Variants in VPS26A observed in about 807,000 individuals in gnomAD.
VPS26A encodes vacuolar protein sorting-associated protein 26A.
In VPS26A, 22 loss-of-function variants were observed where a neutral mutation model predicts 42.4. That is an observed-to-expected ratio of 0.52 (90% CI 0.37 to 0.74). The LOEUF (loss-of-function observed/expected upper bound fraction) is 0.74. Ranked by LOEUF, VPS26A falls within the 30% of genes least tolerant of loss-of-function variation. The pLI is 0.00. For missense variants in VPS26A, 276 were observed against 379.2 expected (o/e 0.73, Z 2.26); for synonymous variants, 110 against 123.5 (o/e 0.89, Z 0.73).
intron 2 of VPS26A, among the ~76,000 whole-genome samples, chr10:69,148,585 A>C (rs963044802): frequency 9.2e-5 from 14 of 152,172 alleles, no homozygotes; most frequent in African/African-American, 3.1e-4. Context: ...CTGATTTTAA[A>C]ATGAGTGTAT....
In VPS26A at chr10:69,171,358, G is replaced by A; in HGVS notation, c.*89G>A. ...GTTAAAGATGGTTGCAGCTGGAGGG[G>A]GCGGAAAAAGGCCAAAACTCCATAT... is the stretch of plus-strand genomic sequence containing the variant. On this transcript the variant is annotated 3_prime_UTR_variant, in exon 9 of 9. Coordinates refer to ENST00000263559, the MANE Select transcript of VPS26A (RefSeq NM_004896.5). 9.4e-7 allele frequency: 1 copy of A among 1,064,680 alleles called. No individual in the cohort carries two copies. Among genetic ancestry groups the A allele is most frequent in the Non-Finnish European group, 1.4e-6 (1 of 718,640 alleles). The allele number at this position is 1,064,680 out of a possible 1,614,324, so 66.0% of individuals were successfully genotyped here.
chr10:69,124,311 C>T (rs1297933096), intron 1 of VPS26A, 31 bp downstream of exon 1: 2 of 1,244,950 alleles, frequency 1.6e-6, no homozygotes, highest in Non-Finnish European at 2.0e-6. Flanking sequence ...GCGCTCGCCT[C>T]CCGCCCTCGT....
At chr10:69,143,105 AAG>A (rs1487619099) in intron 2 of VPS26A, among the ~76,000 whole-genome samples, 2 of 152,308 alleles carry the variant, frequency 1.3e-5, no homozygotes, top group African/African-American at 4.8e-5. Context: ...TTAAAGGAAA[AAG>A]AGGAGGAAAC....
intron 2 of VPS26A, among the ~76,000 whole-genome samples, chr10:69,152,937 TC>T (rs1430958724): frequency 6.8e-6 from 1 of 147,496 alleles, no homozygotes; most frequent in African/African-American, 2.5e-5. Context: ...GCCACTGCAC[TC>T]CAGCCTGGGC....
At chr10:69,129,357 G>C (rs946389872) in intron 1 of VPS26A, among the ~76,000 whole-genome samples, 4 of 152,060 alleles carry the variant, frequency 2.6e-5, no homozygotes, top group Admixed American at 2.6e-4. Flanking sequence ...TTACCATTTT[G>C]AGTTTAAGAC....
At chr10:69,158,326 C>T in intron 5 of VPS26A, 115 bp downstream of exon 5, 1 of 888,510 alleles carries the variant, frequency 1.1e-6, no homozygotes, top group Non-Finnish European at 1.6e-6. Flanking sequence ...GTTAACAAAT[C>T]AACAGGATCT....
At chr10:69,133,186 T>G in intron 2 of VPS26A, 139 bp downstream of exon 2, 2 of 880,172 alleles carry the variant, frequency 2.3e-6, no homozygotes. Context: ...GCTAAAATAT[T>G]TGATTGATTA....
In VPS26A at chr10:69,158,089, G is replaced by T; in HGVS notation, c.429G>T (p.Leu143Phe). 6.2e-7 allele frequency: 1 copy of T among 1,611,184 alleles called. No homozygotes were observed. The highest frequency in any genetic ancestry group is 1.1e-5 in the South Asian group (1 of 90,502). Residue 143 changes from leucine (L) to phenylalanine (F), a missense_variant, in exon 5 of 9, where the codon TTG becomes TTT. Transcript: ENST00000263559. ...CAATAGTGAGAAGACTGACAGATTT[G>T]GTAAAAGAGTATGATCTTATTGTTC... is the stretch of plus-strand genomic sequence containing the variant. ...KVTIVRRLTD[L>F]VKEYDLIVHQ...
chr10:69,162,638 G>T, intron 6 of VPS26A, 126 bp downstream of exon 6: 2 of 504,350 alleles, frequency 4.0e-6, no homozygotes, highest in Non-Finnish European at 6.8e-6. Context: ...TAATATTGCT[G>T]GCAGTAAGTT....
At chr10:69,165,926 A>G in intron 6 of VPS26A, 116 bp from the exon 7 acceptor site, 1 of 977,714 alleles carries the variant, frequency 1.0e-6, no homozygotes, top group South Asian at 1.6e-5. Flanking sequence ...AGCTTGGGTG[A>G]TGGAGCGAGA....
At chr10:69,144,690 G>A (rs139453282) in intron 2 of VPS26A, among the ~76,000 whole-genome samples, 4 of 149,936 alleles carry the variant, frequency 2.7e-5, no homozygotes, top group African/African-American at 9.9e-5. Flanking sequence ...TACTATCTTG[G>A]TTGGTTCCAA....
chr10:69,160,490 C>T (rs573182141), intron 5 of VPS26A, among the ~76,000 whole-genome samples: 40 of 147,856 alleles, frequency 2.7e-4, no homozygotes, highest in Admixed American at 2.3e-3. Context: ...GAATCTCTGT[C>T]GTCCCGTCTG....
At position 69,130,874 on chromosome 10, in the gene VPS26A, A is replaced by G. The variant is rs60443217; in HGVS notation, c.4-2024A>G. ...GTGTAGTTGTATCTCCTCTAATTCT[A>G]TTGCTGTTTGGTGTTCCCATTTGTA... On this transcript the variant is annotated intron_variant, in intron 1 of 8. Coordinates refer to ENST00000263559, the MANE Select transcript of VPS26A (RefSeq NM_004896.5). 3.2e-3 allele frequency among the ~76,000 whole-genome samples: 484 copies of G among 151,892 alleles called. 5 individuals carry two copies. Among genetic ancestry groups the G allele is most frequent in the African/African-American group, 0.011 (455 of 41,390 alleles).
chr10:69,137,842 CTTTT>C (rs967439930), intron 2 of VPS26A, among the ~76,000 whole-genome samples: 2 of 145,960 alleles, frequency 1.4e-5, no homozygotes, highest in Non-Finnish European at 2.9e-5. Flanking sequence ...TAGGATTTTT[CTTTT>C]TTTAAGCTGT....
At chr10:69,157,918 GAAGT>G in intron 4 of VPS26A, 125 bp from the exon 5 acceptor site, 1 of 729,954 alleles carries the variant, frequency 1.4e-6, no homozygotes, top group Non-Finnish European at 2.1e-6. Context: ...GTGAAGTAAT[GAAGT>G]AAGTTGATCC....
At position 69,132,955 on chromosome 10, in the gene VPS26A, G is replaced by T; in HGVS notation, c.61G>T (p.Gly21Trp). 1 of 1,611,764 alleles carries T rather than the reference G, an allele frequency of 6.2e-7. No homozygotes were observed. The highest frequency in any genetic ancestry group is 8.5e-7 in the Non-Finnish European group (1 of 1,179,512). Residue 21 changes from glycine (G) to tryptophan (W), a missense_variant, in exon 2 of 9, where the codon GGG becomes TGG. Physicochemically the swap from Gly to Trp is radical, Grantham distance 184. Coordinates refer to ENST00000263559, the MANE Select transcript of VPS26A (RefSeq NM_004896.5). ...TGAGATCGATATTGTTCTTAATGAT[G>T]GGGAAACCAGGAAAATGGCAGAAAT... The part of the protein sequence containing the change: ...ICEIDIVLND[G>W]ETRKMAEMKT...
At chr10:69,164,281 A>C (rs982280667) in intron 6 of VPS26A, among the ~76,000 whole-genome samples, 1 of 150,958 alleles carries the variant, frequency 6.6e-6, no homozygotes, top group Non-Finnish European at 1.5e-5. Context: ...GCAATGGTAC[A>C]ATTATAGCTC....
intron 2 of VPS26A, among the ~76,000 whole-genome samples, chr10:69,137,875 A>T (rs1463512626): frequency 4.6e-5 from 7 of 151,456 alleles, no homozygotes; most frequent in Non-Finnish European, 1.0e-4. Flanking sequence ...ATATATATAT[A>T]TATATATTCG....
At chr10:69,135,078 C>G (rs1373525986) in intron 2 of VPS26A, among the ~76,000 whole-genome samples, 1 of 146,026 alleles carries the variant, frequency 6.8e-6, no homozygotes, top group Non-Finnish European at 1.6e-5. Flanking sequence ...GAATACCAAT[C>G]TAGCTTTCTT....
Sources: allele counts gnomAD v4.1 joint callset (sites outside exome capture counted in the v4.1 genomes callset), GRCh38; gene constraint gnomAD v4.1.1; transcripts MANE v1.5; gene names NCBI Gene and HGNC (gene_info 2026-07-23, HGNC 2026-07-21).